IGFL2: variants seen among roughly 807,000 people sequenced by gnomAD.
The protein encoded by IGFL2 is insulin growth factor-like family member 2.
In IGFL2, 7 loss-of-function variants were observed where a neutral mutation model predicts 13.9. The observed-to-expected ratio is 0.51, with a 90% CI of 0.29 to 0.95. IGFL2 has a LOEUF of 0.95. IGFL2 is among the 40% of genes least tolerant of loss of function. The pLI is 0.08. For synonymous variants in IGFL2, 55 were observed against 55.8 expected (o/e 0.99, Z 0.07); for missense variants, 138 against 147.8 (o/e 0.93, Z 0.34).
the IGFL2 span, among the ~76,000 whole-genome samples, chr19:46,121,726 G>A: frequency 3.3e-5 from 5 of 150,824 alleles, no homozygotes; most frequent in Admixed American, 3.3e-4. Context: ...GGTAAAGAAA[G>A]GCAGATTTTT....
chr19:46,200,473 C>CCTTT, the IGFL2 span, among the ~76,000 whole-genome samples: 48 of 134,278 alleles, frequency 3.6e-4, no homozygotes, highest in East Asian at 6.8e-3. Flanking sequence ...CACACCTGGC[C>CCTTT]CTTTTCTTTT....
the IGFL2 span, among the ~76,000 whole-genome samples, chr19:46,192,829 A>G: frequency 2.0e-5 from 3 of 152,120 alleles, no homozygotes; most frequent in Non-Finnish European, 2.9e-5. Flanking sequence ...ATTCCCTCTT[A>G]TCTCCACTTT....
the IGFL2 span, among the ~76,000 whole-genome samples, chr19:46,080,292 G>C: frequency 1.3e-5 from 2 of 152,138 alleles, no homozygotes; most frequent in African/African-American, 4.8e-5. Context: ...CCAGCACTTT[G>C]GGAGGCCAAG....
At chr19:46,083,929 C>G in the IGFL2 span, among the ~76,000 whole-genome samples, 2,053 of 152,294 alleles carry the variant, frequency 0.013, 32 homozygotes, top group Middle Eastern at 0.027. Flanking sequence ...TGGGCATTTA[C>G]TGCTATAAAC....
the IGFL2 span, chr19:46,207,081 G>C: frequency 6.6e-6 from 1 of 152,134 alleles, no homozygotes; most frequent in South Asian, 2.1e-4. Flanking sequence ...ACACTGAGAA[G>C]AACAGTTCTC....
At chr19:46,203,588 G>A in the IGFL2 span, 2 of 152,336 alleles carry the variant, frequency 1.3e-5, no homozygotes, top group Admixed American at 1.3e-4. Flanking sequence ...CAAGCTTGAA[G>A]TGTGCAGATG....
the IGFL2 span, chr19:46,207,880 C>T: frequency 6.6e-6 from 1 of 152,250 alleles, no homozygotes; most frequent in Non-Finnish European, 1.5e-5. Context: ...CTTTGCTCTG[C>T]CAAATTGGCA....
At chr19:46,186,385 C>G in the IGFL2 span, among the ~76,000 whole-genome samples, 8 of 152,182 alleles carry the variant, frequency 5.3e-5, no homozygotes, top group African/African-American at 1.7e-4. Flanking sequence ...TATTACCCAG[C>G]TGCGGTGTCC....
At chr19:46,207,354 C>T in the IGFL2 span, 2 of 151,990 alleles carry the variant, frequency 1.3e-5, no homozygotes, top group Non-Finnish European at 2.9e-5. Flanking sequence ...TGGCATGATA[C>T]TGAGGCTACC....
At chr19:46,081,168 T>G in the IGFL2 span, among the ~76,000 whole-genome samples, 1 of 152,180 alleles carries the variant, frequency 6.6e-6, no homozygotes, top group African/African-American at 2.4e-5. Flanking sequence ...TACATAACGC[T>G]TATTTCAGGT....
At chr19:46,173,520 G>C in the IGFL2 span, 1 of 152,622 alleles carries the variant, frequency 6.6e-6, no homozygotes, top group African/African-American at 2.4e-5. Context: ...GCCTTGGGAA[G>C]CTTACAATAT....
At chr19:46,181,807 A>AT in the IGFL2 span, among the ~76,000 whole-genome samples, 9 of 152,320 alleles carry the variant, frequency 5.9e-5, no homozygotes, top group South Asian at 1.9e-3. Context: ...CTTTGCAACA[A>AT]TACTGGTTGT....
At chr19:46,105,251 T>G in the IGFL2 span, among the ~76,000 whole-genome samples, 154 of 152,180 alleles carry the variant, frequency 1.0e-3, no homozygotes, top group Non-Finnish European at 1.9e-3. Context: ...ATATTTAGAG[T>G]CTGTATAAAT....
intron 1 of IGFL2, among the ~76,000 whole-genome samples, chr19:46,155,205 G>A (rs1209631513): frequency 6.6e-6 from 1 of 152,216 alleles, no homozygotes; most frequent in African/African-American, 2.4e-5. Context: ...GGTGCTGTAA[G>A]CCACAATTTC....
chr19:46,119,944 A>G, the IGFL2 span: 1 of 235,168 alleles, frequency 4.3e-6, no homozygotes, highest in Non-Finnish European at 8.3e-6. Context: ...GGAGTGTTAC[A>G]GTCAGTGCTC....
At chr19:46,161,373 T>C (rs985674456), downstream of IGFL2, 102 of 335,076 alleles carry the variant, frequency 3.0e-4, no homozygotes, top group African/African-American at 2.1e-3. Flanking sequence ...TCAAGACTAT[T>C]GCAATGGAGG....
At chr19:46,205,615 A>G in the IGFL2 span, among the ~76,000 whole-genome samples, 1 of 152,078 alleles carries the variant, frequency 6.6e-6, no homozygotes, top group African/African-American at 2.4e-5. Context: ...AGAGAGAGAG[A>G]GAGAGCTGTT....
chr19:46,144,818 A>G (rs181531080), upstream of IGFL2, among the ~76,000 whole-genome samples: 193 of 151,734 alleles, frequency 1.3e-3, 1 homozygote, highest in African/African-American at 4.4e-3. Context: ...CCTGGCATTC[A>G]CTCTTTCCTA....
chr19:46,143,692 A>G (rs768465798), upstream of IGFL2, among the ~76,000 whole-genome samples: 3 of 152,214 alleles, frequency 2.0e-5, no homozygotes, highest in Non-Finnish European at 2.9e-5. Flanking sequence ...TGGTAATAAC[A>G]ATAGCTCACA....
Sources: gnomAD v4.1 joint callset for allele counts (sites outside exome capture counted in the v4.1 genomes callset) on GRCh38, gnomAD v4.1.1 for gene constraint, MANE v1.5 for transcripts, NCBI Gene and HGNC (gene_info 2026-07-23, HGNC 2026-07-21) for gene names.